The following RBM23 variants were observed in gnomAD, a reference collection of about 807,000 sequenced individuals.
The protein encoded by RBM23 is probable RNA-binding protein 23.
Under a neutral mutation model 56.2 loss-of-function variants are expected in RBM23, and 53 were observed. The observed-to-expected ratio is 0.94, with a 90% confidence interval of 0.76 to 1.19. RBM23 has a LOEUF of 1.19. Ranked by LOEUF, RBM23 falls within the 50% of genes most tolerant of loss-of-function variation. The pLI is 0.00. For synonymous variants in RBM23, 197 were observed against 198.5 expected, an observed-to-expected ratio of 0.99 and a Z score of 0.06; for missense variants, 642 against 590.3, an observed-to-expected ratio of 1.09 and a Z score of -0.91.
intron 1 of RBM23, among the ~76,000 whole-genome samples, chr14:22,914,889 A>G (rs545631225): frequency 6.6e-6 from 1 of 150,414 alleles, no homozygotes; most frequent in Non-Finnish European, 1.5e-5. Context: ...AGGCTAAGAC[A>G]GGAGAATCGC....
chr14:22,912,762 G>A (rs1290312956), intron 1 of RBM23, among the ~76,000 whole-genome samples: 3 of 151,710 alleles, frequency 2.0e-5, no homozygotes, highest in Non-Finnish European at 4.4e-5. Flanking sequence ...GGCCGAGGCG[G>A]GCAGATCACG....
rs1445085227 is a variant in RBM23 at position 22,897,845 on chromosome 14, C to T, written c.*3885G>A. The T allele has an allele frequency of 6.6e-6, 1 of 152,188 alleles. No individual in the cohort carries two copies. The highest frequency in any genetic ancestry group is 6.6e-5 in the Admixed American group (1 of 15,266). 9.4% of individuals were successfully genotyped at this position (152,188 alleles called of 1,614,324 possible). ...TGTGCTTATGGGGAAAATTATTTAA[C>T]TTATTTGGATATGTTTCCTTGTTTA... On this transcript the variant is annotated 3_prime_UTR_variant, in exon 14 of 14. Coordinates refer to ENST00000359890, the MANE Select transcript of RBM23 (RefSeq NM_001077351.2).
intron 1 of RBM23, chr14:22,917,369 T>C (rs952195887): frequency 9.2e-5 from 14 of 152,210 alleles, no homozygotes; most frequent in Admixed American, 8.5e-4. Flanking sequence ...CACTTAAGTT[T>C]ACAAGCCTCT....
chr14:22,911,944 AC>A (rs1341855721), intron 1 of RBM23: 3 of 152,482 alleles, frequency 2.0e-5, no homozygotes, highest in African/African-American at 4.8e-5. Flanking sequence ...AACACAAAAA[AC>A]AATACATAAA....
rs1265204842 is a variant in RBM23 at position 22,897,959 on chromosome 14, C to T, written c.*3771G>A. 6.6e-6 allele frequency: 1 copy of T among 152,200 alleles called. No individual in the cohort carries two copies. The highest frequency in any genetic ancestry group is 1.9e-4 in the East Asian group (1 of 5,202). 9.4% of individuals were successfully genotyped at this position (152,200 alleles called of 1,614,324 possible). Reference sequence around the variant, plus strand: ...TTAGAACACCTAACCTACAACCAACCTTGCATAAATGTTAACAATGACCAT... The same window carrying T: ...TTAGAACACCTAACCTACAACCAACTTTGCATAAATGTTAACAATGACCAT... On this transcript the variant is annotated 3_prime_UTR_variant, in exon 14 of 14. Coordinates refer to ENST00000359890, the MANE Select transcript of RBM23 (RefSeq NM_001077351.2).
rs143006745 is a variant in RBM23 at position 22,912,676 on chromosome 14, C to T, written c.-10-1273G>A. ...ACAAAAAGTACACAATGAACAATTC[C>T]ATTTACATAAAATTCTAAAAAATGC... On this transcript the variant is annotated intron_variant, in intron 1 of 13. Transcript: ENST00000359890. Among the ~76,000 whole-genome samples the T allele has an allele frequency of 1.7e-3, 252 of 152,158 alleles. 2 individuals carry two copies. The highest frequency in any genetic ancestry group is 0.014 in the Admixed American group (210 of 15,262).
At chr14:22,908,556 C>T in intron 3 of RBM23, 176 bp from the exon 4 acceptor site, 1 of 585,514 alleles carries the variant, frequency 1.7e-6, no homozygotes, top group Non-Finnish European at 2.8e-6. Context: ...TCATGCCCAG[C>T]TAATTTTTTA....
chr14:22,912,446 G>A (rs1238268208), intron 1 of RBM23, among the ~76,000 whole-genome samples: 1 of 152,102 alleles, frequency 6.6e-6, no homozygotes, highest in East Asian at 1.9e-4. Flanking sequence ...GGCAGGCAAG[G>A]TAAAACGTGC....
At chr14:22,905,809 C>T (rs2041444148) in intron 5 of RBM23, 150 bp from the exon 6 acceptor site, 5 of 662,688 alleles carry the variant, frequency 7.5e-6, no homozygotes, top group South Asian at 5.8e-5. Flanking sequence ...AGTGCAGTGG[C>T]GCCATCTCGG....
intron 1 of RBM23, among the ~76,000 whole-genome samples, chr14:22,915,549 G>A (rs549431004): frequency 6.7e-4 from 92 of 136,314 alleles, no homozygotes; most frequent in Non-Finnish European, 1.3e-3. Context: ...AGGCTGGAGT[G>A]CGGTGGCACA....
chr14:22,900,329 A>ACCCCCCCCCCCCCGC lies in RBM23; in HGVS notation c.*1400_*1401insGCGGGGGGGGGGGGG, dbSNP rs34197647. On this transcript the variant is annotated 3_prime_UTR_variant, in exon 14 of 14. Coordinates refer to ENST00000359890, the MANE Select transcript of RBM23 (RefSeq NM_001077351.2). The stretch of plus-strand genomic sequence containing the variant: ...TGGTACTTAACTCTTCAAGATCACA[A>ACCCCCCCCCCCCCGC]CCCCCCCCCCTCCCCGCCCCGCCCC... 7.5e-6 allele frequency: 1 copy of ACCCCCCCCCCCCCGC among 132,562 alleles called. No homozygotes were observed. The highest frequency in any genetic ancestry group is 1.6e-5 in the Non-Finnish European group (1 of 63,116). The allele number at this position is 132,562 out of a possible 1,614,324, so 8.2% of individuals were successfully genotyped here.
rs145645490 is a variant in RBM23, at chr14:22,900,983, G to C, written c.*747C>G. 3.3e-5 allele frequency: 5 copies of C among 152,220 alleles called. No individual in the cohort carries two copies. In the East Asian group the frequency reaches 9.6e-4, roughly 29 times the overall value. The allele number at this position is 152,220 out of a possible 1,614,324, so 9.4% of individuals were successfully genotyped here. A position where few individuals can be genotyped will look rare whatever the true frequency, so the allele number is the denominator to read the frequency against. ...CTCGGGCCAAAGGGAGGAAATGGGA[G>C]GAAGGACAAGTATACAAAGGAAGAT... On this transcript the variant is annotated 3_prime_UTR_variant, in exon 14 of 14. Transcript: ENST00000359890.
rs2040497920 is a variant in RBM23, at chr14:22,901,667, G to A, written c.*63C>T. ...CACAAAATGGAGAAATGGGGCCATG[G>A]AAGAGTAGATGTGAAGTGGCAGGAT... On this transcript the variant is annotated 3_prime_UTR_variant, in exon 14 of 14. Coordinates refer to ENST00000359890, the MANE Select transcript of RBM23 (RefSeq NM_001077351.2). The A allele has an allele frequency of 1.3e-6, 2 of 1,582,092 alleles. No homozygotes were observed. Among genetic ancestry groups the A allele is most frequent in the Non-Finnish European group, 1.7e-6 (2 of 1,151,130 alleles).
At chr14:22,911,585 T>G (rs555572210) in intron 1 of RBM23, 182 bp from the exon 2 acceptor site, 48 of 492,008 alleles carry the variant, frequency 9.8e-5, no homozygotes, top group Non-Finnish European at 1.6e-4. Context: ...TTACACCCTA[T>G]AGATCTGAAC....
At chr14:22,910,497 G>T (rs369772393) in intron 2 of RBM23, among the ~76,000 whole-genome samples, 3 of 150,428 alleles carry the variant, frequency 2.0e-5, no homozygotes, top group Non-Finnish European at 3.0e-5. Flanking sequence ...AGAAAGCGGT[G>T]GGGGGGAAAG....
chr14:22,903,663 C>T (rs2041009995), intron 10 of RBM23: 3 of 1,000,574 alleles, frequency 3.0e-6, no homozygotes, highest in Admixed American at 1.1e-4. Flanking sequence ...TTCTATCAGA[C>T]TTTGTGGCTG....
In RBM23 at chr14:22,909,503, G is replaced by A. The variant is rs988247030; in HGVS notation, c.159C>T (p.Ser53=). 6.2e-7 allele frequency: 1 copy of A among 1,613,052 alleles called. No homozygotes were observed. The highest frequency in any genetic ancestry group is 8.5e-7 in the Non-Finnish European group (1 of 1,179,844). The change falls in exon 3 of 14, where the codon AGC becomes AGT. Residue 53 remains serine, a synonymous_variant. Transcript: ENST00000359890. ...SNSGNETSGS[S]TIGETSKKKR... ...CTCACTTGCTTGTCTCCCCGATGGT[G>A]CTGCTTCCACTGGTCTCATTGCCAC...
intron 2 of RBM23, 28 bp downstream of exon 2, chr14:22,911,300 A>G (rs2042474031): frequency 1.3e-6 from 2 of 1,599,772 alleles, no homozygotes; most frequent in Admixed American, 3.4e-5. Context: ...CATTAACCCA[A>G]TTCCAGGAGT....
intron 3 of RBM23, 194 bp from the exon 4 acceptor site, chr14:22,908,574 A>G (rs1179835240): frequency 9.5e-6 from 5 of 526,606 alleles, no homozygotes; most frequent in Non-Finnish European, 1.6e-5. Flanking sequence ...TTATATTTTT[A>G]GTAGAGACAA....
Sources: allele counts gnomAD v4.1 joint callset (sites outside exome capture counted in the v4.1 genomes callset), GRCh38; gene constraint gnomAD v4.1.1; transcripts MANE v1.5; gene names NCBI Gene and HGNC (gene_info 2026-07-23, HGNC 2026-07-21).